The following DAGLA variants were observed in gnomAD, a reference collection of about 807,000 sequenced individuals.
DAGLA encodes the protein diacylglycerol lipase-alpha.
DAGLA carries 22 observed loss-of-function variants against 102.6 expected under a neutral mutation model. The ratio of observed to expected loss-of-function variants is 0.21; its 90% CI spans 0.15 to 0.31. The LOEUF is 0.31. DAGLA is among the 10% of genes least tolerant of loss of function. The pLI is 1.00. For missense variants in DAGLA, 927 were observed against 1,446.6 expected, an observed-to-expected ratio of 0.64 and a Z score of 5.83; for synonymous variants, 578 against 628.9, an observed-to-expected ratio of 0.92 and a Z score of 1.21.
Position 61,728,119 on chromosome 11 carries a change from C to T in DAGLA, c.637-34C>T, listed in dbSNP as rs756836807. 31 of 1,612,696 alleles carry T rather than the reference C, an allele frequency of 1.9e-5. No individual in the cohort carries two copies. The South Asian group carries it at 3.3e-4, about 17-fold the overall frequency. On this transcript the variant is annotated intron_variant, in intron 6 of 19. Transcript: ENST00000257215. ...GCCTCTCGTCCTCTCTCCTGCTCCC[C>T]TGCCACTGCCTCCTGCCTTCCTGGA...
At chr11:61,694,105 A>G (rs2065045404) in intron 1 of DAGLA, among the ~76,000 whole-genome samples, 1 of 152,256 alleles carries the variant, frequency 6.6e-6, no homozygotes. Flanking sequence ...CAGAGGCCCA[A>G]AGCTGTGTGA....
At position 61,729,018 on chromosome 11, in the gene DAGLA, A is replaced by G; in HGVS notation, c.849+10A>G. 6.2e-7 allele frequency: 1 copy of G among 1,612,106 alleles called. No homozygotes were observed. Among genetic ancestry groups the G allele is most frequent in the Non-Finnish European group, 8.5e-7 (1 of 1,178,162 alleles). On this transcript the variant is annotated intron_variant, in intron 8 of 19. Transcript: ENST00000257215. ...CGACCTCAAGAATTCAGTGAGTCAG[A>G]CATCAACTCTCACCCCACCCCGTCC... is the stretch of plus-strand genomic sequence containing the variant.
chr11:61,731,249 A>G (rs2065371628), intron 8 of DAGLA, 68 bp from the exon 9 acceptor site: 1 of 1,582,250 alleles, frequency 6.3e-7, no homozygotes. Context: ...ACCCTGGGGA[A>G]CTGCTGGGCC....
intron 1 of DAGLA, among the ~76,000 whole-genome samples, chr11:61,692,973 A>G (rs879892796): frequency 6.6e-6 from 1 of 151,530 alleles, no homozygotes; most frequent in Non-Finnish European, 1.5e-5. Flanking sequence ...GTTTTCCTAG[A>G]GGGATCATGG....
chr11:61,737,885 C>A, intron 15 of DAGLA, 130 bp downstream of exon 15: 1 of 864,598 alleles, frequency 1.2e-6, no homozygotes, highest in Non-Finnish European at 1.9e-6. Flanking sequence ...ACGCCCCTCC[C>A]CACCCTTAGT....
intron 1 of DAGLA, among the ~76,000 whole-genome samples, chr11:61,701,970 C>T (rs1433784541): frequency 6.6e-6 from 1 of 151,952 alleles, no homozygotes. Flanking sequence ...AAGACAGGTT[C>T]CCCGTATGTT....
chr11:61,728,247 G>A lies in DAGLA; in HGVS notation c.731G>A (p.Arg244Gln). Reference sequence around the variant, plus strand: ...ATCATTGCTGGCCTGGTGCTGCTCCGGCAGCGGCAGCGGGCCAAGCGCAAC... The same window carrying A: ...ATCATTGCTGGCCTGGTGCTGCTCCAGCAGCGGCAGCGGGCCAAGCGCAAC... ...SDIIAGLVLL[R>Q]QRQRAKRNAV... is the part of the protein sequence containing the mutation. Residue 244 changes from arginine (R) to glutamine (Q), a missense_variant, in exon 7 of 20, where the codon CGG becomes CAG. Coordinates refer to ENST00000257215, the MANE Select transcript of DAGLA (RefSeq NM_006133.3). 3 of 1,613,608 alleles carry A rather than the reference G, an allele frequency of 1.9e-6. No homozygotes were observed. Among genetic ancestry groups the A allele is most frequent in the Non-Finnish European group, 1.7e-6 (2 of 1,179,988 alleles).
chr11:61,745,174 C>T lies in DAGLA; in HGVS notation c.*685C>T, dbSNP rs533820064. ...GGGCCGCCCCTTCTCTGCCTTGTGC[C>T]TCTCATGCTGCCTCCTCTGCCCATG... On this transcript the variant is annotated 3_prime_UTR_variant, in exon 20 of 20. Transcript: ENST00000257215. The T allele has an allele frequency of 1.4e-3, 217 of 153,194 alleles. No homozygotes were observed. Among genetic ancestry groups the T allele is most frequent in the Middle Eastern group, 0.014 (4 of 296 alleles). The allele number at this position is 153,194 out of a possible 1,614,324, so 9.5% of individuals were successfully genotyped here. A position where few individuals can be genotyped will look rare whatever the true frequency, so the allele number is the denominator to read the frequency against.
Position 61,743,958 on chromosome 11 carries a change from T to A in DAGLA, c.2598T>A (p.Thr866=), listed in dbSNP as rs1328381096. 6.2e-7 allele frequency: 1 copy of A among 1,611,840 alleles called. No individual in the cohort carries two copies. The highest frequency in any genetic ancestry group is 2.2e-5 in the East Asian group (1 of 44,850). Residue 866 remains threonine (T), a synonymous_variant, in exon 20 of 20, where the codon ACT becomes ACA. Coordinates refer to ENST00000257215, the MANE Select transcript of DAGLA (RefSeq NM_006133.3). ...CGGCCCTGGGCAGTGGCGGCGTCAC[T>A]CCTGAGCGGCCCCCCAGTGCTGCGG... is the stretch of plus-strand genomic sequence containing the variant. ...LEAALGSGGV[T]PERPPSAAAN... is the part of the protein sequence containing the mutation.
At chr11:61,696,334 T>G (rs907740661) in intron 1 of DAGLA, among the ~76,000 whole-genome samples, 3 of 151,620 alleles carry the variant, frequency 2.0e-5, no homozygotes, top group Admixed American at 6.6e-5. Context: ...AGAGTGGGGG[T>G]GGAGGTGCCC....
chr11:61,682,119 C>T (rs552641810), intron 1 of DAGLA, among the ~76,000 whole-genome samples: 5 of 152,202 alleles, frequency 3.3e-5, no homozygotes, highest in African/African-American at 9.6e-5. Context: ...GAGCACTGTC[C>T]GATGCCTTTG....
intron 3 of DAGLA, among the ~76,000 whole-genome samples, chr11:61,721,181 G>A (rs2065279384): frequency 6.6e-6 from 1 of 152,128 alleles, no homozygotes; most frequent in East Asian, 1.9e-4. Flanking sequence ...GGATCACAAG[G>A]TCAGGAGTTC....
intron 1 of DAGLA, among the ~76,000 whole-genome samples, chr11:61,681,392 C>G: frequency 6.6e-6 from 1 of 152,152 alleles, no homozygotes. Context: ...ATTCATCTAG[C>G]TTTTCATCTA....
At chr11:61,687,860 T>C (rs2064997823) in intron 1 of DAGLA, among the ~76,000 whole-genome samples, 2 of 151,844 alleles carry the variant, frequency 1.3e-5, no homozygotes, top group African/African-American at 4.8e-5. Flanking sequence ...GGGCCTGGAG[T>C]GTTCCTGGCT....
At chr11:61,712,634 A>G (rs1325344113) in intron 1 of DAGLA, among the ~76,000 whole-genome samples, 2 of 152,134 alleles carry the variant, frequency 1.3e-5, no homozygotes, top group Admixed American at 1.3e-4. Flanking sequence ...TCAGGCCCCT[A>G]ACTTGGGTTG....
At chr11:61,730,322 G>GTC (rs1446052312) in intron 8 of DAGLA, among the ~76,000 whole-genome samples, 1 of 151,938 alleles carries the variant, frequency 6.6e-6, no homozygotes, top group Non-Finnish European at 1.5e-5. Flanking sequence ...AGGTGCCAGG[G>GTC]TCACACCTGC....
At chr11:61,717,831 G>A (rs2065248717) in intron 1 of DAGLA, among the ~76,000 whole-genome samples, 2 of 152,210 alleles carry the variant, frequency 1.3e-5, no homozygotes, top group South Asian at 4.1e-4. Context: ...CCTGAGGTGG[G>A]GGCAGTGGTT....
chr11:61,689,508 C>G (rs1591023343), intron 1 of DAGLA, among the ~76,000 whole-genome samples: 1 of 114,096 alleles, frequency 8.8e-6, no homozygotes. Context: ...GTTTCCTCAT[C>G]TTTTTTTTTT....
intron 11 of DAGLA, 27 bp downstream of exon 11, chr11:61,735,671 C>T (rs556750215): frequency 2.4e-5 from 39 of 1,612,778 alleles, no homozygotes; most frequent in South Asian, 1.6e-4. Flanking sequence ...TCCCAGCCCC[C>T]GGGGGTGCCT....
Sources: allele counts gnomAD v4.1 joint callset (sites outside exome capture counted in the v4.1 genomes callset), GRCh38; gene constraint gnomAD v4.1.1; transcripts MANE v1.5; gene names NCBI Gene and HGNC (gene_info 2026-07-23, HGNC 2026-07-21).